Variants in ANO2 observed in about 807,000 individuals in gnomAD.
ANO2 encodes the protein anoctamin 2.
ANO2 carries 101 observed loss-of-function variants against 124.2 expected under a neutral mutation model. The observed-to-expected ratio is 0.81, with a 90% CI of 0.69 to 0.96. The LOEUF is 0.96. ANO2 is among the 40% of genes least tolerant of loss of function. The pLI is 0.00. For missense variants in ANO2, 1,293 were observed against 1,274.5 expected (o/e 1.01, Z -0.22); for synonymous variants, 486 against 482.5 (o/e 1.01, Z -0.09).
At chr12:5,586,747 C>T (rs1042053866) in intron 20 of ANO2, among the ~76,000 whole-genome samples, 10 of 152,214 alleles carry the variant, frequency 6.6e-5, no homozygotes, top group African/African-American at 1.9e-4. Context: ...CAGAGCCCGT[C>T]ATTTTCATTG....
chr12:5,738,855 G>A (rs1950979043), intron 13 of ANO2, among the ~76,000 whole-genome samples: 1 of 152,098 alleles, frequency 6.6e-6, no homozygotes, highest in African/African-American at 2.4e-5. Flanking sequence ...CACACATAGT[G>A]CACTGGCTTA....
intron 1 of ANO2, among the ~76,000 whole-genome samples, chr12:5,929,676 G>A (rs192133065): frequency 9.6e-4 from 121 of 126,076 alleles, no homozygotes; most frequent in Admixed American, 2.9e-3. Flanking sequence ...TTTCTTACCA[G>A]TCTTCCTTCC....
intron 16 of ANO2, among the ~76,000 whole-genome samples, chr12:5,630,676 C>T (rs575835202): frequency 3.5e-4 from 53 of 152,250 alleles, no homozygotes; most frequent in Non-Finnish European, 6.2e-4. Context: ...AAGAGAGAGA[C>T]GTATTTCACC....
At chr12:5,742,558 C>A (rs752677991) in intron 12 of ANO2, among the ~76,000 whole-genome samples, 4 of 152,100 alleles carry the variant, frequency 2.6e-5, no homozygotes, top group African/African-American at 4.8e-5. Context: ...AGAGAAGAGG[C>A]AGTTGTTGAA....
chr12:5,747,825 C>A (rs1420508747), intron 11 of ANO2, among the ~76,000 whole-genome samples: 7 of 152,220 alleles, frequency 4.6e-5, no homozygotes, highest in African/African-American at 1.4e-4. Context: ...ATTCCACAAC[C>A]CACCAGTGGT....
Position 5,727,634 on chromosome 12 carries a change from CCTTT to C in ANO2, c.1545+4882_1545+4885del, listed in dbSNP as rs1295493556. ...GCAAGGAAGTCCATTCTCACCACTT[CCTTT>C]TTTTTTTTTTTTTTTTTGAGACGGA... On this transcript the variant is annotated intron_variant, in intron 14 of 24. Coordinates refer to ENST00000682330, the MANE Select transcript of ANO2 (RefSeq NM_001364791.2). 1.3e-4 allele frequency among the ~76,000 whole-genome samples: 17 copies of C among 133,752 alleles called. No homozygotes were observed. The East Asian group carries it at 2.8e-3, about 22-fold the overall frequency. The allele number at this position is 133,752 out of a possible 152,430, so 87.7% of individuals were successfully genotyped here. A position where few individuals can be genotyped will look rare whatever the true frequency, so the allele number is the denominator to read the frequency against.
At chr12:5,639,950 G>C (rs914170606) in intron 15 of ANO2, among the ~76,000 whole-genome samples, 1 of 152,110 alleles carries the variant, frequency 6.6e-6, no homozygotes, top group Non-Finnish European at 1.5e-5. Context: ...TGAGTATCTG[G>C]GGCACAGGAG....
chr12:5,753,214 G>A (rs548484267), intron 10 of ANO2, among the ~76,000 whole-genome samples: 3 of 152,254 alleles, frequency 2.0e-5, no homozygotes, highest in South Asian at 4.1e-4. Context: ...GAATTTAAGG[G>A]CTTCAATATT....
intron 10 of ANO2, among the ~76,000 whole-genome samples, chr12:5,793,358 C>T (rs182296204): frequency 6.6e-6 from 1 of 152,282 alleles, no homozygotes; most frequent in Admixed American, 6.5e-5. Flanking sequence ...TTCATTCCTT[C>T]CTTCCAGGGA....
At chr12:5,755,739 C>A (rs1411562246) in intron 10 of ANO2, among the ~76,000 whole-genome samples, 1 of 152,142 alleles carries the variant, frequency 6.6e-6, no homozygotes, top group Non-Finnish European at 1.5e-5. Flanking sequence ...ATGAACTCAT[C>A]ATTTTGTATG....
chr12:5,604,388 G>T (rs1348165735), intron 19 of ANO2, among the ~76,000 whole-genome samples: 1 of 152,202 alleles, frequency 6.6e-6, no homozygotes, highest in African/African-American at 2.4e-5. Context: ...TGTGCCTAGA[G>T]CCCTGGAACG....
In ANO2 at chr12:5,738,983, G is replaced by A. The variant is rs73253253; in HGVS notation, c.1434+334C>T. 1,340 of 429,016 alleles carry A rather than the reference G, an allele frequency of 3.1e-3. 15 individuals are homozygous for A. The highest frequency in any genetic ancestry group is 0.024 in the African/African-American group (1,229 of 50,354). 26.6% of individuals were successfully genotyped at this position (429,016 alleles called of 1,614,324 possible). The stretch of plus-strand genomic sequence containing the variant: ...CCCCAGGGCATTCTGACATATCCCT[G>A]ACTCTCTGGCTTTATGATCTCAAGA... On this transcript the variant is annotated intron_variant, in intron 13 of 24. Coordinates refer to ENST00000682330, the MANE Select transcript of ANO2 (RefSeq NM_001364791.2).
intron 14 of ANO2, among the ~76,000 whole-genome samples, chr12:5,710,582 T>C (rs755032023): frequency 6.6e-6 from 1 of 152,156 alleles, no homozygotes; most frequent in Non-Finnish European, 1.5e-5. Flanking sequence ...ATGAAAACCC[T>C]CTGAGTAATG....
At chr12:5,861,268 G>A (rs1042595987) in intron 3 of ANO2, among the ~76,000 whole-genome samples, 1 of 152,070 alleles carries the variant, frequency 6.6e-6, no homozygotes, top group East Asian at 1.9e-4. Flanking sequence ...AACCATCCAC[G>A]GCAATCCTGC....
chr12:5,813,907 A>G (rs1241189416), intron 7 of ANO2, among the ~76,000 whole-genome samples: 2 of 152,222 alleles, frequency 1.3e-5, no homozygotes, highest in Non-Finnish European at 2.9e-5. Context: ...CAGACAGGGA[A>G]CATGGCTTGA....
chr12:5,932,310 A>C (rs1201497618), intron 1 of ANO2, among the ~76,000 whole-genome samples: 1 of 149,560 alleles, frequency 6.7e-6, no homozygotes, highest in Non-Finnish European at 1.5e-5. Context: ...AAGGCAGACG[A>C]GTGAGGAAAG....
intron 3 of ANO2, among the ~76,000 whole-genome samples, chr12:5,875,537 C>T (rs1938035342): frequency 6.6e-6 from 1 of 152,244 alleles, no homozygotes; most frequent in South Asian, 2.1e-4. Flanking sequence ...TGGGATCAAC[C>T]AAAGAAGGCA....
chr12:5,851,273 T>C (rs1052534474), intron 4 of ANO2, among the ~76,000 whole-genome samples: 20 of 152,166 alleles, frequency 1.3e-4, no homozygotes, highest in South Asian at 4.1e-4. Flanking sequence ...TGCAAAACTA[T>C]GCTCTAAAAA....
At chr12:5,827,869 C>G in intron 6 of ANO2, 49 bp from the exon 7 acceptor site, 1 of 1,576,624 alleles carries the variant, frequency 6.3e-7, no homozygotes, top group Non-Finnish European at 8.6e-7. Context: ...CCCCCCCGCC[C>G]TCCACCGTGT....
Sources: allele counts gnomAD v4.1 joint callset (sites outside exome capture counted in the v4.1 genomes callset), GRCh38; gene constraint gnomAD v4.1.1; transcripts MANE v1.5; gene names NCBI Gene and HGNC (gene_info 2026-07-23, HGNC 2026-07-21).